The following LRRC4C variants were observed in gnomAD, a reference collection of about 807,000 sequenced individuals.
LRRC4C encodes leucine-rich repeat-containing protein 4C.
LRRC4C carries 5 observed loss-of-function variants against 33.6 expected under a neutral mutation model. The ratio of observed to expected loss-of-function variants is 0.15; its 90% CI spans 0.08 to 0.31. The LOEUF is 0.31. Among genes scored for constraint, LRRC4C ranks in the 10% least tolerant of loss-of-function variants. The pLI, the probability that LRRC4C is intolerant of heterozygous loss-of-function variation, is 1.00. For synonymous variants in LRRC4C, 329 were observed against 302.0 expected, an observed-to-expected ratio of 1.09 and a Z score of -0.93; for missense variants, 560 against 796.7, an observed-to-expected ratio of 0.70 and a Z score of 3.58.
intron 2 of LRRC4C, among the ~76,000 whole-genome samples, chr11:40,886,455 C>G (rs1308034987): frequency 5.4e-5 from 7 of 129,716 alleles, no homozygotes. Flanking sequence ...TCTCACAAAC[C>G]TCACACCTGC....
intron 1 of LRRC4C, among the ~76,000 whole-genome samples, chr11:41,056,080 T>C (rs1189627852): frequency 6.6e-6 from 1 of 152,100 alleles, no homozygotes; most frequent in African/African-American, 2.4e-5. Context: ...GTAAAGTGTC[T>C]CAAAATATCA....
chr11:40,430,796 A>G (rs1950890922), intron 3 of LRRC4C, among the ~76,000 whole-genome samples: 1 of 151,906 alleles, frequency 6.6e-6, no homozygotes, highest in Non-Finnish European at 1.5e-5. Context: ...TGTCCTTTGT[A>G]GGGACATGGA....
At chr11:40,900,616 G>T (rs1956158806) in intron 2 of LRRC4C, among the ~76,000 whole-genome samples, 1 of 151,540 alleles carries the variant, frequency 6.6e-6, no homozygotes, top group South Asian at 2.1e-4. Flanking sequence ...AAATGACAAT[G>T]CTAATATTTA....
At position 40,668,838 on chromosome 11, in the gene LRRC4C, G is replaced by A. The variant is rs76673653; in HGVS notation, c.-406-20560C>T. On this transcript the variant is annotated intron_variant, in intron 2 of 6. Transcript: ENST00000528697. ...CCAAAGCCAAGGTACTGTGGAGAAA[G>A]ACAGTAGAAACCATGGGGCTAGATG... 8.2e-3 allele frequency among the ~76,000 whole-genome samples: 1,252 copies of A among 152,272 alleles called. 13 individuals are homozygous for A. Among genetic ancestry groups the A allele is most frequent in the African/African-American group, 0.028 (1,166 of 41,548 alleles).
rs558102330 is a variant in LRRC4C, at chr11:40,406,692, A to C, written c.-269-86971T>G. On this transcript the variant is annotated intron_variant, in intron 3 of 6. Transcript: ENST00000528697. Reference sequence around the variant, plus strand: ...TATGTTAGTTTTATAATTGCAAAACACAATACAACAATTTTTTTTCTAAAA... The same window carrying C: ...TATGTTAGTTTTATAATTGCAAAACCCAATACAACAATTTTTTTTCTAAAA... Among the ~76,000 whole-genome samples, 3 of 152,300 alleles carry C rather than the reference A, an allele frequency of 2.0e-5. No homozygotes were observed. In the South Asian group the frequency reaches 6.2e-4, roughly 32 times the overall value.
intron 1 of LRRC4C, among the ~76,000 whole-genome samples, chr11:41,458,544 T>TG (rs914412217): frequency 6.1e-5 from 4 of 66,028 alleles, no homozygotes; most frequent in Admixed American, 2.0e-4. Flanking sequence ...AAAAGCGTGG[T>TG]GGGGGGGAGG....
chr11:40,746,345 A>G (rs938541287), intron 2 of LRRC4C, among the ~76,000 whole-genome samples: 52 of 152,140 alleles, frequency 3.4e-4, no homozygotes, highest in African/African-American at 1.2e-3. Flanking sequence ...TCCCTAACAC[A>G]CCGTGTACTC....
intron 4 of LRRC4C, among the ~76,000 whole-genome samples, chr11:40,263,330 T>G (rs1026906588): frequency 2.0e-5 from 3 of 151,992 alleles, no homozygotes; most frequent in Non-Finnish European, 4.4e-5. Context: ...GGTAGGTTTT[T>G]CTTTGGCTGT....
intron 3 of LRRC4C, among the ~76,000 whole-genome samples, chr11:40,543,505 T>G (rs1436631955): frequency 2.6e-5 from 4 of 152,110 alleles, no homozygotes; most frequent in Non-Finnish European, 4.4e-5. Context: ...TGCCATTCAC[T>G]GAATTGAAAT....
chr11:41,316,262 C>CAAAAAAAAAAAAAA (rs60671406), intron 1 of LRRC4C, among the ~76,000 whole-genome samples: 46 of 77,988 alleles, frequency 5.9e-4, no homozygotes, highest in East Asian at 1.3e-3. Flanking sequence ...CTCTGGATGG[C>CAAAAAAAAAAAAAA]AAAAAAAAAA....
intron 1 of LRRC4C, among the ~76,000 whole-genome samples, chr11:41,179,074 G>A (rs976621119): frequency 6.6e-6 from 1 of 152,040 alleles, no homozygotes; most frequent in Admixed American, 6.6e-5. Flanking sequence ...TAGCACTGGT[G>A]CAGCTAGATT....
intron 2 of LRRC4C, among the ~76,000 whole-genome samples, chr11:40,752,662 C>T (rs1010881080): frequency 2.0e-5 from 3 of 152,074 alleles, no homozygotes; most frequent in Admixed American, 2.0e-4. Flanking sequence ...AACTCTTATA[C>T]ACTGTTGGTG....
intron 2 of LRRC4C, among the ~76,000 whole-genome samples, chr11:40,708,405 A>G (rs1341673007): frequency 1.3e-5 from 2 of 152,164 alleles, no homozygotes; most frequent in African/African-American, 4.8e-5. Flanking sequence ...AGATTCTGGT[A>G]TGTTGTGTCT....
At chr11:41,234,439 A>C (rs1215777583) in intron 1 of LRRC4C, among the ~76,000 whole-genome samples, 2 of 152,010 alleles carry the variant, frequency 1.3e-5, no homozygotes, top group African/African-American at 4.8e-5. Context: ...ATTAACTATA[A>C]TCATTATGTT....
intron 2 of LRRC4C, among the ~76,000 whole-genome samples, chr11:40,653,306 T>C (rs910822183): frequency 3.9e-5 from 6 of 152,172 alleles, no homozygotes; most frequent in African/African-American, 1.4e-4. Context: ...TCCTAGACAC[T>C]TGTTGAATGA....
chr11:40,899,875 C>A (rs1336625692), intron 2 of LRRC4C, among the ~76,000 whole-genome samples: 1 of 152,094 alleles, frequency 6.6e-6, no homozygotes, highest in Non-Finnish European at 1.5e-5. Flanking sequence ...GGTTCACAGA[C>A]TTTTTCCATT....
intron 4 of LRRC4C, among the ~76,000 whole-genome samples, chr11:40,265,388 C>G (rs1230941133): frequency 6.6e-6 from 1 of 152,184 alleles, no homozygotes; most frequent in Non-Finnish European, 1.5e-5. Flanking sequence ...AGAAAACTTA[C>G]TTTTCAAAGT....
intron 3 of LRRC4C, among the ~76,000 whole-genome samples, chr11:40,619,942 T>C (rs554471173): frequency 1.3e-5 from 2 of 151,518 alleles, no homozygotes; most frequent in East Asian, 1.9e-4. Context: ...TTGTAGGTGT[T>C]TTACATTTTA....
At position 40,885,681 on chromosome 11, in the gene LRRC4C, G is replaced by A. The variant is rs150577504; in HGVS notation, c.-407+47954C>T. On this transcript the variant is annotated intron_variant, in intron 2 of 6. Coordinates refer to ENST00000528697, the MANE Select transcript of LRRC4C (RefSeq NM_001258419.2). ...TGAAAATAAAAATATCAAAAATGCT[G>A]TAAGGTAGATTTTTGGAGTACATAC... Among the ~76,000 whole-genome samples, 3 of 152,132 alleles carry A rather than the reference G, an allele frequency of 2.0e-5. No individual in the cohort carries two copies. In the East Asian group the frequency reaches 5.8e-4, roughly 29 times the overall value.
Sources: gnomAD v4.1 joint callset for allele counts (sites outside exome capture counted in the v4.1 genomes callset) on GRCh38, gnomAD v4.1.1 for gene constraint, MANE v1.5 for transcripts, NCBI Gene and HGNC (gene_info 2026-07-23, HGNC 2026-07-21) for gene names.